The following ABTB3 variants were observed in gnomAD, a reference collection of about 807,000 sequenced individuals.
The protein encoded by ABTB3 is ankyrin repeat and BTB domain containing 3.
chr12:107,590,671 A>T, the ABTB3 span, among the ~76,000 whole-genome samples: 13 of 152,340 alleles, frequency 8.5e-5, no homozygotes, highest in South Asian at 1.7e-3. Context: ...CCAAAGTGTT[A>T]AAAGCAAAAC....
the ABTB3 span, among the ~76,000 whole-genome samples, chr12:107,570,639 C>T: frequency 6.6e-6 from 1 of 150,866 alleles, no homozygotes; most frequent in African/African-American, 2.4e-5. Flanking sequence ...TCAATCCATT[C>T]TTGATGTTTT....
At chr12:107,329,517 G>T in the ABTB3 span, among the ~76,000 whole-genome samples, 1 of 152,236 alleles carries the variant, frequency 6.6e-6, no homozygotes, top group Non-Finnish European at 1.5e-5. Context: ...AGCAGTGCCA[G>T]CCTCCTTGCT....
chr12:107,419,308 C>T, the ABTB3 span, among the ~76,000 whole-genome samples: 1 of 152,226 alleles, frequency 6.6e-6, no homozygotes, highest in Non-Finnish European at 1.5e-5. Context: ...CACTGACCTG[C>T]TGGGTCTATG....
At chr12:107,413,228 C>T in the ABTB3 span, among the ~76,000 whole-genome samples, 269 of 151,932 alleles carry the variant, frequency 1.8e-3, no homozygotes, top group African/African-American at 4.7e-3. Flanking sequence ...GAGCCGAGAT[C>T]GCGCCACTGC....
At chr12:107,482,989 C>CTTTCT in the ABTB3 span, among the ~76,000 whole-genome samples, 148 of 17,292 alleles carry the variant, frequency 8.6e-3, 4 homozygotes, top group East Asian at 0.022. Flanking sequence ...TCTTTCTTTC[C>CTTTCT]TTCCTTCCTT....
chr12:107,355,507 T>C, the ABTB3 span, among the ~76,000 whole-genome samples: 1 of 152,358 alleles, frequency 6.6e-6, no homozygotes, highest in Admixed American at 6.5e-5. Context: ...CATCTTTTCA[T>C]GGCAGGTTTG....
the ABTB3 span, among the ~76,000 whole-genome samples, chr12:107,596,476 G>A: frequency 0.14 from 22,010 of 152,168 alleles, 1,730 homozygotes; most frequent in East Asian, 0.29. Context: ...AGCCAGGCAT[G>A]GTAGTGGATG....
At chr12:107,543,762 C>G in the ABTB3 span, among the ~76,000 whole-genome samples, 2 of 151,938 alleles carry the variant, frequency 1.3e-5, no homozygotes, top group Non-Finnish European at 2.9e-5. Context: ...CCCTCCTATG[C>G]TGAATGAATG....
chr12:107,402,349 C>G, the ABTB3 span, among the ~76,000 whole-genome samples: 13 of 152,316 alleles, frequency 8.5e-5, no homozygotes, highest in African/African-American at 2.9e-4. Context: ...AAGGCAGGCC[C>G]AGATTCCAAA....
chr12:107,416,774 G>A, the ABTB3 span, among the ~76,000 whole-genome samples: 21 of 152,280 alleles, frequency 1.4e-4, 1 homozygote, highest in South Asian at 1.5e-3. Flanking sequence ...GACTACAGAC[G>A]AGTGCCACCC....
chr12:107,614,266 T>A, the ABTB3 span, among the ~76,000 whole-genome samples: 5 of 152,158 alleles, frequency 3.3e-5, no homozygotes, highest in African/African-American at 1.2e-4. Context: ...TAGGCCTCCA[T>A]CCTGAAAGAC....
the ABTB3 span, among the ~76,000 whole-genome samples, chr12:107,392,663 A>G: frequency 6.6e-6 from 1 of 152,234 alleles, no homozygotes; most frequent in Non-Finnish European, 1.5e-5. Flanking sequence ...CTCCCCTTCC[A>G]TAGGACTCCA....
chr12:107,382,732 G>A, the ABTB3 span, among the ~76,000 whole-genome samples: 1 of 134,082 alleles, frequency 7.5e-6, no homozygotes. Flanking sequence ...GACACAGGGA[G>A]GGGAACATCA....
chr12:107,456,934 A>G, the ABTB3 span, among the ~76,000 whole-genome samples: 1 of 151,086 alleles, frequency 6.6e-6, no homozygotes, highest in Non-Finnish European at 1.5e-5. Context: ...ATCTCAGTTC[A>G]CTGCAGCCTC....
chr12:107,640,096 CA>C, the ABTB3 span, among the ~76,000 whole-genome samples: 3 of 152,262 alleles, frequency 2.0e-5, no homozygotes, highest in Admixed American at 6.5e-5. Flanking sequence ...CTTTTAATCA[CA>C]AATAAGCTAT....
chr12:107,573,568 A>G, the ABTB3 span, among the ~76,000 whole-genome samples: 1 of 152,168 alleles, frequency 6.6e-6, no homozygotes, highest in Non-Finnish European at 1.5e-5. Flanking sequence ...ATCAACACAC[A>G]CATATATTAC....
chr12:107,619,654 A>C, the ABTB3 span, among the ~76,000 whole-genome samples: 27 of 152,198 alleles, frequency 1.8e-4, no homozygotes, highest in African/African-American at 6.5e-4. Context: ...TGGAATATGC[A>C]TAAGTAGCGT....
chr12:107,354,501 G>T, the ABTB3 span, among the ~76,000 whole-genome samples: 1 of 152,132 alleles, frequency 6.6e-6, no homozygotes, highest in African/African-American at 2.4e-5. Context: ...TCATATAATA[G>T]CTGGTCTTTT....
chr12:107,459,340 T>A, the ABTB3 span, among the ~76,000 whole-genome samples: 1 of 152,200 alleles, frequency 6.6e-6, no homozygotes, highest in Admixed American at 6.5e-5. Context: ...ATTGATTGAT[T>A]GATTCAACAA....
Sources: allele counts gnomAD v4.1 joint callset (sites outside exome capture counted in the v4.1 genomes callset), GRCh38; gene constraint gnomAD v4.1.1; transcripts MANE v1.5; gene names NCBI Gene and HGNC (gene_info 2026-07-23, HGNC 2026-07-21).